Variants in CNTNAP2 observed in about 807,000 individuals in gnomAD.
The protein encoded by CNTNAP2 is contactin-associated protein-like 2.
Under a neutral mutation model 155.2 loss-of-function variants are expected in CNTNAP2, and 98 were observed. The observed-to-expected ratio is 0.63, with a 90% CI of 0.54 to 0.75. The LOEUF (loss-of-function observed/expected upper bound fraction) is 0.75. CNTNAP2 is among the 30% of genes least tolerant of loss of function. CNTNAP2 has a pLI of 0.00. For synonymous variants in CNTNAP2, 651 were observed against 631.2 expected, an observed-to-expected ratio of 1.03 and a Z score of -0.47; for missense variants, 1,727 against 1,688.1, an observed-to-expected ratio of 1.02 and a Z score of -0.40.
At chr7:147,221,949 T>A (rs1803411160) in intron 8 of CNTNAP2, among the ~76,000 whole-genome samples, 1 of 152,224 alleles carries the variant, frequency 6.6e-6, no homozygotes. Context: ...AGAAGTCAGA[T>A]GTAATTTTTG....
At chr7:147,544,027 T>A (rs1799684876) in intron 11 of CNTNAP2, among the ~76,000 whole-genome samples, 1 of 152,186 alleles carries the variant, frequency 6.6e-6, no homozygotes, top group Non-Finnish European at 1.5e-5. Context: ...ATGGAATATT[T>A]ATTCTAGAGG....
At chr7:146,247,387 G>A (rs1007284939) in intron 1 of CNTNAP2, among the ~76,000 whole-genome samples, 5 of 152,164 alleles carry the variant, frequency 3.3e-5, no homozygotes, top group African/African-American at 1.2e-4. Context: ...AGGATTATAG[G>A]GTGGAGGAGT....
chr7:146,468,847 A>G (rs898591386), intron 1 of CNTNAP2, among the ~76,000 whole-genome samples: 3 of 152,206 alleles, frequency 2.0e-5, no homozygotes, highest in Admixed American at 2.0e-4. Flanking sequence ...TAGGTGAAGC[A>G]AAAATAAGAG....
intron 10 of CNTNAP2, among the ~76,000 whole-genome samples, chr7:147,485,159 G>A (rs1377936020): frequency 2.0e-5 from 3 of 152,136 alleles, no homozygotes; most frequent in Non-Finnish European, 4.4e-5. Flanking sequence ...TAAAGCTTCC[G>A]TTTATTGGCC....
intron 12 of CNTNAP2, among the ~76,000 whole-genome samples, chr7:147,577,349 A>G (rs1395026450): frequency 6.6e-6 from 1 of 152,072 alleles, no homozygotes; most frequent in African/African-American, 2.4e-5. Flanking sequence ...TAGATAGAAG[A>G]AGAGGATTTG....
chr7:148,270,387 G>A (rs1431983509), intron 21 of CNTNAP2, among the ~76,000 whole-genome samples: 1 of 152,186 alleles, frequency 6.6e-6, no homozygotes, highest in Non-Finnish European at 1.5e-5. Flanking sequence ...CTGTAAGGAG[G>A]TCCACAATTC....
At chr7:146,870,216 T>TC (rs1795279013) in intron 3 of CNTNAP2, among the ~76,000 whole-genome samples, 2 of 151,528 alleles carry the variant, frequency 1.3e-5, no homozygotes, top group Non-Finnish European at 2.9e-5. Flanking sequence ...TCCTGGGCTT[T>TC]TTTTTTTTGG....
chr7:147,626,122 G>A (rs1418685773), intron 12 of CNTNAP2, among the ~76,000 whole-genome samples: 5 of 152,064 alleles, frequency 3.3e-5, no homozygotes, highest in Non-Finnish European at 5.9e-5. Context: ...ACTCTGAACT[G>A]AAATTTGTAG....
chr7:147,830,331 A>T (rs554425765), intron 13 of CNTNAP2, among the ~76,000 whole-genome samples: 1 of 152,016 alleles, frequency 6.6e-6, no homozygotes, highest in East Asian at 1.9e-4. Flanking sequence ...GTGACTTTTC[A>T]TGGCAGAGGG....
At chr7:146,173,946 C>A (rs1483963979) in intron 1 of CNTNAP2, among the ~76,000 whole-genome samples, 1 of 152,062 alleles carries the variant, frequency 6.6e-6, no homozygotes, top group East Asian at 1.9e-4. Context: ...GTGGCTCAAG[C>A]CTGAAATCTC....
chr7:146,298,780 T>C (rs1348216550), intron 1 of CNTNAP2, among the ~76,000 whole-genome samples: 1 of 152,198 alleles, frequency 6.6e-6, no homozygotes, highest in Non-Finnish European at 1.5e-5. Flanking sequence ...AGGTGGTGAA[T>C]GTAAGAGTGA....
chr7:148,066,664 A>T (rs535130159), intron 15 of CNTNAP2, among the ~76,000 whole-genome samples: 1 of 151,288 alleles, frequency 6.6e-6, no homozygotes, highest in South Asian at 2.1e-4. Context: ...CACCCAGCTA[A>T]TTTTTTTGTA....
At chr7:148,106,491 G>GAGATAGATAGATAGATAGAT (rs1554472842) in intron 15 of CNTNAP2, among the ~76,000 whole-genome samples, 1 of 46,344 alleles carries the variant, frequency 2.2e-5, no homozygotes, top group African/African-American at 1.1e-4. Flanking sequence ...TGCACACTTT[G>GAGATAGATAGATAGATAGAT]AGATATATAT....
chr7:146,724,284 A>G (rs1801390909), intron 1 of CNTNAP2, among the ~76,000 whole-genome samples: 1 of 152,200 alleles, frequency 6.6e-6, no homozygotes, highest in South Asian at 2.1e-4. Flanking sequence ...TAGAACAGTT[A>G]CTGTTGAATA....
intron 6 of CNTNAP2, 82 bp from the exon 7 acceptor site, chr7:147,128,611 T>A: frequency 3.3e-6 from 5 of 1,514,026 alleles, no homozygotes; most frequent in Non-Finnish European, 4.6e-6. Flanking sequence ...GTATAGATAC[T>A]TGACCTTCAC....
At chr7:148,161,541 C>G (rs1420568777) in intron 17 of CNTNAP2, among the ~76,000 whole-genome samples, 4 of 152,098 alleles carry the variant, frequency 2.6e-5, no homozygotes, top group Non-Finnish European at 4.4e-5. Flanking sequence ...GTCCCTCACC[C>G]ACCTCCCATA....
intron 4 of CNTNAP2, among the ~76,000 whole-genome samples, chr7:147,069,306 T>C (rs1799845005): frequency 2.0e-5 from 3 of 152,168 alleles, no homozygotes; most frequent in South Asian, 2.1e-4. Context: ...CTGGCTGATA[T>C]AGGACCTTAA....
chr7:147,896,330 G>A lies in CNTNAP2; in HGVS notation c.2099-7235G>A, dbSNP rs555808712. On this transcript the variant is annotated intron_variant, in intron 13 of 23. Coordinates refer to ENST00000361727, the MANE Select transcript of CNTNAP2 (RefSeq NM_014141.6). Reference sequence around the variant, plus strand: ...CAGGGCTTCTACTGGAACACCCACCGTAACCGCCCAAGGAGTTCACCTTGC... The same window carrying A: ...CAGGGCTTCTACTGGAACACCCACCATAACCGCCCAAGGAGTTCACCTTGC... 3.9e-5 allele frequency among the ~76,000 whole-genome samples: 6 copies of A among 152,278 alleles called. No homozygotes were observed. In the East Asian group the frequency reaches 5.8e-4, roughly 15 times the overall value.
chr7:146,396,209 A>C (rs1795624941), intron 1 of CNTNAP2, among the ~76,000 whole-genome samples: 1 of 152,212 alleles, frequency 6.6e-6, no homozygotes, highest in Non-Finnish European at 1.5e-5. Context: ...AGAATTTACA[A>C]AATATATTTC....
Sources: gnomAD v4.1 joint callset for allele counts (sites outside exome capture counted in the v4.1 genomes callset) on GRCh38, gnomAD v4.1.1 for gene constraint, MANE v1.5 for transcripts, NCBI Gene and HGNC (gene_info 2026-07-23, HGNC 2026-07-21) for gene names.